The following LCOR variants were observed in gnomAD, a reference collection of about 807,000 sequenced individuals.
LCOR encodes the protein ligand dependent nuclear receptor corepressor.
LCOR carries 14 observed loss-of-function variants against 64.4 expected under a neutral mutation model. The observed-to-expected ratio is 0.22, with a 90% confidence interval of 0.14 to 0.34. The LOEUF (loss-of-function observed/expected upper bound fraction) is 0.34. Ranked by LOEUF, LCOR falls within the 10% of genes least tolerant of loss-of-function variation. LCOR has a pLI of 1.00. For missense variants in LCOR, 1,686 were observed against 1,765.3 expected (o/e 0.96, Z 0.80); for synonymous variants, 643 against 642.5 (o/e 1.00, Z -0.01).
chr10:96,987,641 C>G lies in LCOR; in HGVS notation c.*2507C>G, dbSNP rs565361063. ...AAGGACATTTAAATAGACCAAGAGT[C>G]TACATAATTATGACACTTAAAAGTT... On this transcript the variant is annotated 3_prime_UTR_variant, in exon 8 of 8. Transcript: ENST00000421806. The G allele has an allele frequency of 6.6e-6, 1 of 152,270 alleles. No individual in the cohort carries two copies. Among genetic ancestry groups the G allele is most frequent in the Non-Finnish European group, 1.5e-5 (1 of 68,026 alleles). The allele number at this position is 152,270 out of a possible 1,614,324, so 9.4% of individuals were successfully genotyped here.
rs1554837266 is a variant in LCOR, at chr10:96,920,670, G to GCA, written c.-184+12923_-184+12924insCA. ...TATATATGTGTATATATGTATATATGTATATATTCATATATGTGTATATAT... is the reference window on the plus strand; with the variant it reads ...TATATATGTGTATATATGTATATATGCATATATATTCATATATGTGTATATAT... On this transcript the variant is annotated intron_variant, in intron 4 of 7. Transcript: ENST00000421806. Among the ~76,000 whole-genome samples the GCA allele has an allele frequency of 1.6e-3, 212 of 132,772 alleles. 1 individual carries two copies. The highest frequency in any genetic ancestry group is 6.3e-3 in the African/African-American group (197 of 31,472). 87.1% of individuals were successfully genotyped at this position (132,772 alleles called of 152,430 possible). A position where few individuals can be genotyped will look rare whatever the true frequency, so the allele number is the denominator to read the frequency against.
intron 2 of LCOR, among the ~76,000 whole-genome samples, chr10:96,836,512 A>C (rs1185999475): frequency 6.6e-6 from 1 of 152,216 alleles, no homozygotes; most frequent in Non-Finnish European, 1.5e-5. Context: ...CACTGTGGGC[A>C]AACAAAGTCT....
chr10:96,874,366 A>G (rs531289226), intron 2 of LCOR, among the ~76,000 whole-genome samples: 2 of 152,270 alleles, frequency 1.3e-5, no homozygotes, highest in South Asian at 4.1e-4. Context: ...TAATCCTTCA[A>G]TGACTCCTTA....
chr10:96,947,215 T>G (rs1847603942), intron 5 of LCOR, among the ~76,000 whole-genome samples: 1 of 152,048 alleles, frequency 6.6e-6, no homozygotes, highest in South Asian at 2.1e-4. Context: ...ATACTTATAG[T>G]CTCTATTTAT....
In LCOR at chr10:96,929,745, A is replaced by G. The variant is rs574883647; in HGVS notation, c.-183-14368A>G. Reference sequence around the variant, plus strand: ...CATGCCTTCCTCACTAAGCTCAATCATTTAAATCAAAAGCTCAAGCTTTTG... The same window carrying G: ...CATGCCTTCCTCACTAAGCTCAATCGTTTAAATCAAAAGCTCAAGCTTTTG... On this transcript the variant is annotated intron_variant, in intron 4 of 7. Transcript: ENST00000421806. Among the ~76,000 whole-genome samples the G allele has an allele frequency of 9.2e-5, 14 of 152,332 alleles. No individual in the cohort carries two copies. The South Asian group carries it at 2.1e-3, about 23-fold the overall frequency.
intron 2 of LCOR, among the ~76,000 whole-genome samples, chr10:96,894,373 G>A (rs1236076877): frequency 5.3e-5 from 8 of 152,146 alleles, no homozygotes; most frequent in Non-Finnish European, 8.8e-5. Context: ...CACCGCATCC[G>A]GCCTGAGAGT....
chr10:96,906,004 C>T (rs1846720453), intron 2 of LCOR, among the ~76,000 whole-genome samples: 1 of 152,162 alleles, frequency 6.6e-6, no homozygotes, highest in South Asian at 2.1e-4. Flanking sequence ...ATTTCTACCC[C>T]CTTACCTTCT....
chr10:96,927,358 T>A (rs1225745006), intron 4 of LCOR, among the ~76,000 whole-genome samples: 2 of 152,110 alleles, frequency 1.3e-5, no homozygotes, highest in African/African-American at 4.8e-5. Context: ...TAAGTTATAA[T>A]AATTCTTTAT....
In LCOR at chr10:96,910,649, C is replaced by CT. The variant is rs1254091524; in HGVS notation, c.-184+2904dup. 4.6e-5 allele frequency among the ~76,000 whole-genome samples: 7 copies of CT among 152,012 alleles called. No individual in the cohort carries two copies. The South Asian group carries it at 6.2e-4, about 14-fold the overall frequency. Reference sequence around the variant, plus strand: ...ACTGAGGCTTGCATTTTAAGGCTGGCTTAAGATTCTAAAATAGAAAGAACT... The same window carrying CT: ...ACTGAGGCTTGCATTTTAAGGCTGGCTTTAAGATTCTAAAATAGAAAGAACT... On this transcript the variant is annotated intron_variant, in intron 4 of 7. Transcript: ENST00000421806.
At chr10:96,936,785 T>A (rs1360154888) in intron 4 of LCOR, among the ~76,000 whole-genome samples, 1 of 149,248 alleles carries the variant, frequency 6.7e-6, no homozygotes, top group Non-Finnish European at 1.5e-5. Flanking sequence ...TTCCCCCTTA[T>A]AAGGGGGATG....
At chr10:96,844,429 G>T (rs1265342413) in intron 2 of LCOR, among the ~76,000 whole-genome samples, 1 of 151,970 alleles carries the variant, frequency 6.6e-6, no homozygotes, top group East Asian at 1.9e-4. Flanking sequence ...GCCCGTCTTT[G>T]TTTCTAATTA....
At chr10:96,832,903 G>C (rs1018577000) in intron 1 of LCOR, 2 of 812,480 alleles carry the variant, frequency 2.5e-6, no homozygotes, top group Non-Finnish European at 3.0e-6. Flanking sequence ...CGCGCCCCCG[G>C]GTCTGCGTGC....
intron 4 of LCOR, among the ~76,000 whole-genome samples, chr10:96,915,453 GGAGGTTGCAGTCAGCC>G (rs1466134829): frequency 1.3e-4 from 20 of 152,178 alleles, no homozygotes; most frequent in African/African-American, 4.8e-4. Flanking sequence ...CCCAGGAGGC[GGAGGTTGCAGTCAGCC>G]GAGATTGCGC....
At position 96,995,323 on chromosome 10, in the gene LCOR, G is replaced by A. The variant is rs7893325; in HGVS notation, c.*10189G>A. On this transcript the variant is annotated 3_prime_UTR_variant, in exon 8 of 8. Transcript: ENST00000421806. This position sits in a 1 kb window ranked among gnomAD's most constrained non-coding sequence, Gnocchi z 4.2. ...CTCCAGAGGGCCTAGCGCCCTCCTG[G>A]TACCAAGCGTGTGCTCCTGGCCTGT... 0.15 allele frequency: 22,277 copies of A among 152,162 alleles called. 2,311 individuals carry two copies. Among genetic ancestry groups the A allele is most frequent in the African/African-American group, 0.29 (11,978 of 41,466 alleles). 9.4% of individuals were successfully genotyped at this position (152,162 alleles called of 1,614,324 possible).
chr10:96,949,190 G>A lies in LCOR; in HGVS notation c.133G>A (p.Ala45Thr), dbSNP rs767528630. 6.2e-6 allele frequency: 10 copies of A among 1,613,936 alleles called. No homozygotes were observed. Among genetic ancestry groups the A allele is most frequent in the Admixed American group, 1.7e-5 (1 of 59,980 alleles). The stretch of plus-strand genomic sequence containing the variant: ...ATCTCCAGTCACCACCTCTCCCACG[G>A]CTGCAACTACTCAGAACCCTGTGCT... ...KASPVTTSPT[A>T]ATTQNPVLSK... Residue 45 changes from alanine to threonine, a missense_variant, in exon 6 of 8, where the codon GCT (alanine) becomes ACT (threonine). Ala to Thr is a moderately conservative substitution (Grantham distance 58, BLOSUM62 0). This residue lies in a region of LCOR where 80 missense variants were observed against 107.7 expected (regional missense o/e 0.74). Coordinates refer to ENST00000421806, the MANE Select transcript of LCOR (RefSeq NM_001346516.2).
chr10:96,982,305 C>T lies in LCOR; in HGVS notation c.1845C>T (p.Ser615=), dbSNP rs1020285183. Reference sequence around the variant, plus strand: ...GGTCAGAGGAAACGACAGCCTCCAGCCTGGTGTGGCCTCTCCCTGCTCACC... The same window carrying T: ...GGTCAGAGGAAACGACAGCCTCCAGTCTGGTGTGGCCTCTCCCTGCTCACC... ...SPRSEETTAS[S]LVWPLPAHLP... is the part of the protein sequence containing the mutation. The change falls in exon 8 of 8, where the codon AGC becomes AGT. Residue 615 remains serine, a synonymous_variant. Coordinates refer to ENST00000421806, the MANE Select transcript of LCOR (RefSeq NM_001346516.2). The T allele has an allele frequency of 2.5e-6, 4 of 1,614,232 alleles. No homozygotes were observed. Among genetic ancestry groups the T allele is most frequent in the Non-Finnish European group, 3.4e-6 (4 of 1,180,038 alleles).
At position 96,856,231 on chromosome 10, in the gene LCOR, C is replaced by T. The variant is rs186914618; in HGVS notation, c.-330+22752C>T. Reference sequence around the variant, plus strand: ...GATTACAGGCATGCGCCACCACGCCCGGCTAATTTTTTTGTATTTTTAGTA... The same window carrying T: ...GATTACAGGCATGCGCCACCACGCCTGGCTAATTTTTTTGTATTTTTAGTA... On this transcript the variant is annotated intron_variant, in intron 2 of 7. Coordinates refer to ENST00000421806, the MANE Select transcript of LCOR (RefSeq NM_001346516.2). 3.3e-3 allele frequency among the ~76,000 whole-genome samples: 505 copies of T among 152,200 alleles called. 3 individuals are homozygous for T. Among genetic ancestry groups the T allele is most frequent in the African/African-American group, 0.012 (482 of 41,534 alleles).
In LCOR at chr10:96,992,284, A is replaced by T. The variant is rs1037686796; in HGVS notation, c.*7150A>T. On this transcript the variant is annotated 3_prime_UTR_variant, in exon 8 of 8. Coordinates refer to ENST00000421806, the MANE Select transcript of LCOR (RefSeq NM_001346516.2). The stretch of plus-strand genomic sequence containing the variant: ...ACTGTGGAATTTATTTCACTGTGTA[A>T]ATAGTGATATTTTCCTGTTCAGATA... The T allele has an allele frequency of 6.6e-6, 1 of 152,214 alleles. No individual in the cohort carries two copies. The highest frequency in any genetic ancestry group is 1.5e-5 in the Non-Finnish European group (1 of 68,036). The allele number at this position is 152,214 out of a possible 1,614,324, so 9.4% of individuals were successfully genotyped here. A position where few individuals can be genotyped will look rare whatever the true frequency, so the allele number is the denominator to read the frequency against.
intron 2 of LCOR, among the ~76,000 whole-genome samples, chr10:96,878,587 A>G: frequency 6.6e-6 from 1 of 152,158 alleles, no homozygotes; most frequent in South Asian, 2.1e-4. Context: ...TTTGGAGACA[A>G]TAAAGAATTC....
Sources: allele counts gnomAD v4.1 joint callset (sites outside exome capture counted in the v4.1 genomes callset), GRCh38; gene constraint gnomAD v4.1.1; regional missense constraint gnomAD v4.1.1; non-coding constraint Gnocchi (gnomAD v3.1); transcripts MANE v1.5; gene names NCBI Gene and HGNC (gene_info 2026-07-23, HGNC 2026-07-21).